Variants in CLIC2 observed in about 807,000 individuals in gnomAD.
CLIC2 encodes chloride intracellular channel protein 2.
A neutral mutation model predicts 14.8 loss-of-function variants in CLIC2; 9 were observed. The ratio of observed to expected loss-of-function variants is 0.61; its 90% CI spans 0.37 to 1.06. The LOEUF (loss-of-function observed/expected upper bound fraction) is 1.06. CLIC2 is among the 50% of genes least tolerant of loss of function. CLIC2 has a pLI of 0.01. For missense variants in CLIC2, 148 were observed against 181.4 expected (o/e 0.82, Z 1.06); for synonymous variants, 61 against 66.3 (o/e 0.92, Z 0.39).
chrX:155,277,870 A>G lies in CLIC2; in HGVS notation c.*33T>C. ...ATATGTCAATAAGTAAAATCTGATCACAAATATAGCCTTGTCTCCTGTAAG... is the reference window on the plus strand; with the variant it reads ...ATATGTCAATAAGTAAAATCTGATCGCAAATATAGCCTTGTCTCCTGTAAG... On this transcript the variant is annotated 3_prime_UTR_variant, in exon 6 of 6. Transcript: ENST00000369449. 1 of 1,170,903 alleles carries G rather than the reference A, an allele frequency of 8.5e-7. No individual in the cohort carries two copies. Among genetic ancestry groups the G allele is most frequent in the African/African-American group, 1.8e-5 (1 of 56,907 alleles).
intron 1 of CLIC2, among the ~76,000 whole-genome samples, chrX:155,313,813 G>T (rs547724): frequency 0.56 from 61,933 of 110,698 alleles, 14,429 homozygotes; most frequent in Middle Eastern, 0.78. Context: ...ATCACCAGAT[G>T]CCCAGAAATA....
At chrX:155,320,634 A>C (rs1005677882) in intron 1 of CLIC2, among the ~76,000 whole-genome samples, 2 of 112,091 alleles carry the variant, frequency 1.8e-5, no homozygotes, top group Non-Finnish European at 3.8e-5. Flanking sequence ...TGAAAATTCC[A>C]AAAACCAGAA....
intron 3 of CLIC2, chrX:155,292,502 G>A: frequency 1.6e-6 from 1 of 634,575 alleles, no homozygotes. Context: ...AGTATATTAA[G>A]AAAGCTGCCT....
intron 1 of CLIC2, among the ~76,000 whole-genome samples, chrX:155,300,965 G>A (rs1353778810): frequency 1.6e-4 from 10 of 62,477 alleles, no homozygotes; most frequent in African/African-American, 4.4e-4. Flanking sequence ...GTACCATGCT[G>A]TTTTGGTTAC....
In CLIC2 at chrX:155,327,429, A is replaced by G. The variant is rs190321940; in HGVS notation, c.57+6942T>C. 3.1e-3 allele frequency among the ~76,000 whole-genome samples: 346 copies of G among 111,427 alleles called. 7 individuals are homozygous for G. The highest frequency in any genetic ancestry group is 0.023 in the Admixed American group (238 of 10,460). ...AATGTTAAAGTGGGTGGTATCATGG[A>G]TGATTTTTATTGATTTTATTTTCAC... On this transcript the variant is annotated intron_variant, in intron 1 of 5. Transcript: ENST00000369449.
rs398122917 is a variant in CLIC2, at chrX:155,280,059, G to C, written c.303C>G (p.His101Gln). Residue 101 changes from histidine (H) to glutamine (Q), a missense_variant, in exon 4 of 6, where the codon CAC becomes CAG. Transcript: ENST00000369449. ...EQTLAPPRYP[H>Q]LSPKYKESFD... ...AAGACTCCTTGTACTTGGGACTCAG[G>C]TGAGGGTACCTTAAAAAGAAACATG... 139 of 1,189,104 alleles carry C rather than the reference G, an allele frequency of 1.2e-4. No individual in the cohort carries two copies. Among genetic ancestry groups the C allele is most frequent in the Non-Finnish European group, 1.6e-4 (137 of 875,983 alleles).
chrX:155,292,539 G>A (rs1275115121), intron 3 of CLIC2: 4 of 461,845 alleles, frequency 8.7e-6, no homozygotes, highest in South Asian at 6.1e-5. Flanking sequence ...GGGAGGCCGA[G>A]GTGGGCAGAT....
intron 1 of CLIC2, among the ~76,000 whole-genome samples, chrX:155,334,030 C>T (rs1022161883): frequency 9.0e-6 from 1 of 110,967 alleles, no homozygotes; most frequent in Admixed American, 9.6e-5. Flanking sequence ...TCTTGTCATG[C>T]TCCTTCATTG....
rs782475541 is a variant in CLIC2, at chrX:155,278,017, T to C, written c.630A>G (p.Ser210=). 61 of 1,210,863 alleles carry C rather than the reference T, an allele frequency of 5.0e-5. No individual in the cohort carries two copies. The highest frequency in any genetic ancestry group is 6.7e-5 in the Non-Finnish European group (60 of 894,851). ...CATTGTGGAGATAACGCCAGACTCC[T>C]GAGAATTCTGCTGGAATGTCAAAGT... ...YRDFDIPAEF[S]GVWRYLHNAY... is the part of the protein sequence containing the mutation. Residue 210 remains serine (S), a synonymous_variant, in exon 6 of 6, where the codon TCA becomes TCG. Coordinates refer to ENST00000369449, the MANE Select transcript of CLIC2 (RefSeq NM_001289.6).
intron 1 of CLIC2, among the ~76,000 whole-genome samples, chrX:155,309,385 A>G (rs1221197174): frequency 7.1e-5 from 8 of 112,106 alleles, no homozygotes; most frequent in Non-Finnish European, 1.3e-4. Context: ...AAATACTTCT[A>G]ATATCATTCT....
At chrX:155,328,691 A>G (rs1254746757) in intron 1 of CLIC2, among the ~76,000 whole-genome samples, 2 of 111,225 alleles carry the variant, frequency 1.8e-5, no homozygotes, top group Non-Finnish European at 3.8e-5. Context: ...GAATAGCCAA[A>G]GCTATCTCCT....
chrX:155,308,225 G>T (rs961956860), intron 1 of CLIC2, among the ~76,000 whole-genome samples: 11 of 110,026 alleles, frequency 1.0e-4, no homozygotes, highest in Non-Finnish European at 2.1e-4. Flanking sequence ...TAACTTAAAA[G>T]AATCGAGTGG....
At chrX:155,334,213 TCA>T (rs1424593968) in intron 1 of CLIC2, among the ~76,000 whole-genome samples, 156 bp downstream of exon 1, 1 of 111,662 alleles carries the variant, frequency 9.0e-6, no homozygotes, top group Non-Finnish European at 1.9e-5. Flanking sequence ...CTAAGAACAG[TCA>T]CACACCCGGG....
chrX:155,280,166 T>C (rs1450617575), intron 3 of CLIC2, 98 bp from the exon 4 acceptor site: 3 of 572,978 alleles, frequency 5.2e-6, no homozygotes, highest in Middle Eastern at 3.1e-4. Flanking sequence ...TTCTGGAACA[T>C]TGTGCTGGAA....
At chrX:155,288,628 T>C (rs1186490721) in intron 3 of CLIC2, among the ~76,000 whole-genome samples, 1 of 111,749 alleles carries the variant, frequency 8.9e-6, no homozygotes, top group African/African-American at 3.3e-5. Context: ...TGTGCTCCCA[T>C]GGAACAACTT....
intron 1 of CLIC2, among the ~76,000 whole-genome samples, chrX:155,315,310 G>A (rs1216338136): frequency 8.9e-6 from 1 of 111,960 alleles, no homozygotes; most frequent in Admixed American, 9.4e-5. Flanking sequence ...ATAGTCATCA[G>A]GTTATCTAAA....
Position 155,334,405 on chromosome X carries a change from G to A in CLIC2, c.23C>T (p.Thr8Ile). Residue 8 changes from threonine to isoleucine, a missense_variant, in exon 1 of 6, where the codon ACT becomes ATT. By Grantham distance (89) the Thr-to-Ile change is moderately conservative. Transcript: ENST00000369449. ...AAGCTCAATCTCAGGGTCCACTTGAGTGCCGGGCCGCAGGCCTGACATCTT... is the reference window on the plus strand; with the variant it reads ...AAGCTCAATCTCAGGGTCCACTTGAATGCCGGGCCGCAGGCCTGACATCTT... MSGLRPGTQVDPEIELFV... is the reference protein window; with the variant it reads MSGLRPGIQVDPEIELFV... 8.3e-7 allele frequency: 1 copy of A among 1,209,815 alleles called. No homozygotes were observed. The highest frequency in any genetic ancestry group is 1.1e-6 in the Non-Finnish European group (1 of 893,766).
rs2074904433 is a variant in CLIC2, at chrX:155,277,977, C to A, written c.670G>T (p.Glu224Ter). The change falls in exon 6 of 6, where the codon GAA (glutamate) becomes TAA (stop). Residue 224 changes from glutamate to a stop codon, truncating the protein, a stop_gained. Transcript: ENST00000369449. LOFTEE classifies it high-confidence loss of function. The stretch of plus-strand genomic sequence containing the variant: ...TCTTCAGGACACGTGTGGGTAAATT[C>A]TTCACGGGCATAGGCATTGTGGAGA... Reference protein sequence around the residue: ...RYLHNAYAREEFTHTCPEDKE... With the variant: ...RYLHNAYARE 1 of 1,206,483 alleles carries A rather than the reference C, an allele frequency of 8.3e-7. No homozygotes were observed. The highest frequency in any genetic ancestry group is 1.1e-6 in the Non-Finnish European group (1 of 890,968).
rs1313129144 is a variant in CLIC2 at position 155,280,040 on chromosome X, C to A, written c.322G>T (p.Glu108Ter). Residue 108 changes from glutamate (E) to a stop codon, truncating the protein, a stop_gained, in exon 4 of 6, where the codon GAG becomes TAG. Coordinates refer to ENST00000369449, the MANE Select transcript of CLIC2 (RefSeq NM_001289.6). LOFTEE classifies it high-confidence loss of function. ...RYPHLSPKYK[E>*]SFDVGCNLFA... ...AGGTTACAGCCCACATCAAAAGACT[C>A]CTTGTACTTGGGACTCAGGTGAGGG... 8.3e-7 allele frequency: 1 copy of A among 1,204,834 alleles called. No individual in the cohort carries two copies. Among genetic ancestry groups the A allele is most frequent in the African/African-American group, 1.8e-5 (1 of 57,097 alleles).
Sources: allele counts gnomAD v4.1 joint callset (sites outside exome capture counted in the v4.1 genomes callset), GRCh38; gene constraint gnomAD v4.1.1; transcripts MANE v1.5; gene names NCBI Gene and HGNC (gene_info 2026-07-23, HGNC 2026-07-21).